The following DENND1A variants were observed in gnomAD, a reference collection of about 807,000 sequenced individuals.
DENND1A encodes DENN domain containing 1A.
A neutral mutation model predicts 113.7 loss-of-function variants in DENND1A; 51 were observed. The observed-to-expected ratio is 0.45, with a 90% CI of 0.36 to 0.57. The LOEUF (loss-of-function observed/expected upper bound fraction) is 0.57, where lower values mean the gene tolerates loss of function less well. Ranked by LOEUF, DENND1A falls within the 20% of genes least tolerant of loss-of-function variation. DENND1A has a pLI of 0.00. For synonymous variants in DENND1A, 565 were observed against 570.8 expected, an observed-to-expected ratio of 0.99 and a Z score of 0.14; for missense variants, 1,258 against 1,395.9, an observed-to-expected ratio of 0.90 and a Z score of 1.57.
intron 1 of DENND1A, 23 bp downstream of exon 1, chr9:123,929,851 GCGCCCGGCCCGGCTC>G (rs1400680804): frequency 6.3e-5 from 15 of 237,766 alleles, no homozygotes; most frequent in South Asian, 1.2e-4. Flanking sequence ...TCGCCGCCCC[GCGCCCGGCCCGGCTC>G]CGCCCGGCCC....
At chr9:123,666,251 T>C (rs2063487776) in intron 8 of DENND1A, among the ~76,000 whole-genome samples, 1 of 152,206 alleles carries the variant, frequency 6.6e-6, no homozygotes, top group Non-Finnish European at 1.5e-5. Flanking sequence ...AGTGTCTAAG[T>C]GGTAGACATT....
intron 9 of DENND1A, among the ~76,000 whole-genome samples, chr9:123,650,855 C>T (rs2062606346): frequency 1.5e-5 from 2 of 136,052 alleles, no homozygotes; most frequent in Non-Finnish European, 1.5e-5. Flanking sequence ...TGCAGTGAGC[C>T]GAGATAGTGC....
intron 1 of DENND1A, among the ~76,000 whole-genome samples, chr9:123,923,583 C>T (rs1856635434): frequency 1.3e-5 from 2 of 152,188 alleles, no homozygotes; most frequent in Admixed American, 1.3e-4. Context: ...CAATGGGATC[C>T]TTTAAACAAA....
chr9:123,922,859 T>C (rs1342012431), intron 1 of DENND1A, among the ~76,000 whole-genome samples: 1 of 152,244 alleles, frequency 6.6e-6, no homozygotes, highest in South Asian at 2.1e-4. Flanking sequence ...CTCTCTTTTC[T>C]ATAGGAACAT....
chr9:123,715,032 A>C (rs1253854739), intron 5 of DENND1A, among the ~76,000 whole-genome samples: 1 of 151,982 alleles, frequency 6.6e-6, no homozygotes, highest in Non-Finnish European at 1.5e-5. Flanking sequence ...AAAATAAAAA[A>C]ATTAGCCAGG....
chr9:123,410,180 C>T (rs1291157403), intron 20 of DENND1A, among the ~76,000 whole-genome samples: 1 of 152,210 alleles, frequency 6.6e-6, no homozygotes, highest in Non-Finnish European at 1.5e-5. Flanking sequence ...CAAAACCCCT[C>T]TAGGAATGAG....
intron 18 of DENND1A, among the ~76,000 whole-genome samples, chr9:123,441,528 G>C (rs2046932074): frequency 6.6e-6 from 1 of 152,144 alleles, no homozygotes; most frequent in Non-Finnish European, 1.5e-5. Context: ...AAATTATCAG[G>C]AAAAGAAAAA....
intron 2 of DENND1A, among the ~76,000 whole-genome samples, chr9:123,825,020 A>G (rs1037706576): frequency 2.6e-5 from 4 of 152,166 alleles, no homozygotes; most frequent in African/African-American, 9.6e-5. Context: ...TAAATAATGA[A>G]TATTTTTAAG....
chr9:123,789,331 G>A (rs936692557), intron 3 of DENND1A, among the ~76,000 whole-genome samples: 5 of 152,018 alleles, frequency 3.3e-5, no homozygotes, highest in African/African-American at 1.2e-4. Context: ...CTTCTGTATC[G>A]AGACCCTTAT....
intron 9 of DENND1A, among the ~76,000 whole-genome samples, chr9:123,643,414 A>C (rs796986741): frequency 1.3e-5 from 2 of 152,380 alleles, no homozygotes; most frequent in African/African-American, 4.8e-5. Context: ...GTTTCTCAGG[A>C]AAGTAAATAT....
intron 18 of DENND1A, among the ~76,000 whole-genome samples, chr9:123,442,858 G>A (rs542589059): frequency 2.0e-5 from 3 of 152,248 alleles, no homozygotes; most frequent in East Asian, 3.9e-4. Context: ...CCACCTGCTT[G>A]GCAAACATCA....
At chr9:123,910,621 CTT>C (rs1853791719) in intron 1 of DENND1A, among the ~76,000 whole-genome samples, 1 of 152,160 alleles carries the variant, frequency 6.6e-6, no homozygotes, top group African/African-American at 2.4e-5. Flanking sequence ...ATAAAATAGA[CTT>C]AAGATCTCTT....
chr9:123,795,787 A>G (rs1026781834), intron 2 of DENND1A, among the ~76,000 whole-genome samples: 5 of 152,230 alleles, frequency 3.3e-5, no homozygotes, highest in African/African-American at 1.2e-4. Flanking sequence ...TCATAAGTTC[A>G]TCATCAAATG....
intron 11 of DENND1A, among the ~76,000 whole-genome samples, chr9:123,589,543 T>C (rs1244849355): frequency 1.4e-5 from 2 of 143,334 alleles, no homozygotes; most frequent in East Asian, 2.1e-4. Context: ...CGGTAGCTTG[T>C]CCCACCAACA....
chr9:123,858,823 T>C (rs1045626334), intron 2 of DENND1A, among the ~76,000 whole-genome samples: 1 of 152,124 alleles, frequency 6.6e-6, no homozygotes, highest in African/African-American at 2.4e-5. Context: ...TGAAATGACT[T>C]ACAAAAATAC....
At chr9:123,520,897 C>T (rs2054338261) in intron 13 of DENND1A, among the ~76,000 whole-genome samples, 3 of 152,190 alleles carry the variant, frequency 2.0e-5, no homozygotes, top group Non-Finnish European at 2.9e-5. Flanking sequence ...AGAGAAAAAC[C>T]TTGCTGTTAG....
chr9:123,841,062 G>A (rs978248641), intron 2 of DENND1A, among the ~76,000 whole-genome samples: 13 of 152,100 alleles, frequency 8.5e-5, no homozygotes, highest in Admixed American at 5.2e-4. Context: ...AAATATATAC[G>A]AGAGTTTGAC....
intron 5 of DENND1A, among the ~76,000 whole-genome samples, chr9:123,706,867 C>A (rs1050783759): frequency 3.3e-5 from 5 of 151,392 alleles, no homozygotes; most frequent in African/African-American, 1.2e-4. Flanking sequence ...ATTGTCCTGC[C>A]CTTAACTGAG....
chr9:123,624,784 A>G (rs563093796), intron 10 of DENND1A, among the ~76,000 whole-genome samples: 1 of 152,176 alleles, frequency 6.6e-6, no homozygotes, highest in Non-Finnish European at 1.5e-5. Context: ...AGTTTTTCAG[A>G]GTGCTAGAGT....
Sources: allele counts gnomAD v4.1 joint callset (sites outside exome capture counted in the v4.1 genomes callset), GRCh38; gene constraint gnomAD v4.1.1; transcripts MANE v1.5; gene names NCBI Gene and HGNC (gene_info 2026-07-23, HGNC 2026-07-21).